The following COL4A6 variants were observed in gnomAD, a reference collection of about 807,000 sequenced individuals.
COL4A6 encodes collagen alpha-6(IV) chain.
COL4A6 carries 59 observed loss-of-function variants against 126.7 expected under a neutral mutation model. The ratio of observed to expected loss-of-function variants is 0.47; its 90% CI spans 0.38 to 0.58. COL4A6 has a LOEUF of 0.58. Among genes scored for constraint, COL4A6 ranks in the 20% least tolerant of loss-of-function variants. The probability of loss-of-function intolerance (pLI) is 0.00; values close to 1 mark genes in which losing one functional copy is unlikely to be tolerated. For synonymous variants in COL4A6, 547 were observed against 496.6 expected, an observed-to-expected ratio of 1.10 and a Z score of -1.35; for missense variants, 1,285 against 1,337.3, an observed-to-expected ratio of 0.96 and a Z score of 0.61.
chrX:108,367,089 C>A (rs1021301842), intron 2 of COL4A6, among the ~76,000 whole-genome samples: 1 of 112,175 alleles, frequency 8.9e-6, no homozygotes, highest in Non-Finnish European at 1.9e-5. Flanking sequence ...ACCAGTGTTT[C>A]AAACCTGATT....
At chrX:108,290,268 C>G (rs1284721322) in intron 3 of COL4A6, among the ~76,000 whole-genome samples, 1 of 112,059 alleles carries the variant, frequency 8.9e-6, no homozygotes, top group Non-Finnish European at 1.9e-5. Flanking sequence ...TCCAAAAAGG[C>G]TTTCTACTGA....
intron 23 of COL4A6, among the ~76,000 whole-genome samples, chrX:108,182,072 A>G (rs771536682): frequency 8.9e-6 from 1 of 112,482 alleles, no homozygotes; most frequent in South Asian, 3.7e-4. Context: ...ATTGAACAGT[A>G]TAATGTATTG....
intron 44 of COL4A6, 55 bp from the exon 45 acceptor site, chrX:108,157,315 G>A (rs180866973): frequency 1.7e-6 from 2 of 1,173,134 alleles, no homozygotes; most frequent in Non-Finnish European, 2.3e-6. Flanking sequence ...GTTGGTGTGG[G>A]GAGGGGATGG....
intron 41 of COL4A6, among the ~76,000 whole-genome samples, chrX:108,162,623 ATC>A (rs2033996041): frequency 9.0e-6 from 1 of 110,979 alleles, no homozygotes; most frequent in Non-Finnish European, 1.9e-5. Context: ...CACTCCCTCC[ATC>A]TCTCTGCAGC....
chrX:108,201,533 T>C (rs1419941440), intron 13 of COL4A6, among the ~76,000 whole-genome samples: 6 of 111,811 alleles, frequency 5.4e-5, no homozygotes, highest in African/African-American at 2.0e-4. Flanking sequence ...AAAAAGCCCT[T>C]ACCTTTTAAA....
chrX:108,400,141 C>A (rs1645529928), intron 2 of COL4A6, among the ~76,000 whole-genome samples: 1 of 111,559 alleles, frequency 9.0e-6, no homozygotes, highest in Non-Finnish European at 1.9e-5. Context: ...TTAGACAATT[C>A]TCTAAGAAGT....
chrX:108,422,752 C>T (rs978104936), intron 2 of COL4A6, among the ~76,000 whole-genome samples: 9 of 111,937 alleles, frequency 8.0e-5, no homozygotes, highest in African/African-American at 2.6e-4. Flanking sequence ...GAATGGGAGC[C>T]TCAACCTACT....
intron 3 of COL4A6, among the ~76,000 whole-genome samples, chrX:108,260,465 C>A (rs180722998): frequency 1.2e-4 from 13 of 111,017 alleles, no homozygotes; most frequent in Non-Finnish European, 2.3e-4. Context: ...ATCATGGGGG[C>A]GGGTCTTCCC....
At chrX:108,343,164 TA>T (rs869275666) in intron 2 of COL4A6, among the ~76,000 whole-genome samples, 4,603 of 26,522 alleles carry the variant, frequency 0.17, 146 homozygotes, top group East Asian at 0.31. Context: ...TATATATATA[TA>T]GTGTGTGTGT....
At chrX:108,358,520 G>A (rs768070402) in intron 2 of COL4A6, among the ~76,000 whole-genome samples, 2 of 108,460 alleles carry the variant, frequency 1.8e-5, no homozygotes, top group Non-Finnish European at 3.8e-5. Flanking sequence ...TCAGCCTCCC[G>A]AGTAGCTGGG....
intron 42 of COL4A6, among the ~76,000 whole-genome samples, chrX:108,160,882 G>A (rs148489762): frequency 0.014 from 1,578 of 112,292 alleles, 18 homozygotes; most frequent in African/African-American, 0.048. Context: ...TATCTCAGAT[G>A]TATCCAGCTA....
At position 108,429,979 on chromosome X, in the gene COL4A6, A is replaced by C. The variant is rs1569465512; in HGVS notation, c.63+7963T>G. 2.7e-5 allele frequency among the ~76,000 whole-genome samples: 3 copies of C among 111,914 alleles called. No individual in the cohort carries two copies. The South Asian group carries it at 1.1e-3, about 42-fold the overall frequency. ...CTTGATCACCTATGCTCAGCCTGGC[A>C]GTATCCTGGACATCCTAAGTACAAG... On this transcript the variant is annotated intron_variant, in intron 2 of 44. Coordinates refer to ENST00000334504, the MANE Select transcript of COL4A6 (RefSeq NM_033641.4).
intron 2 of COL4A6, among the ~76,000 whole-genome samples, chrX:108,314,459 C>T (rs1331884887): frequency 1.8e-5 from 2 of 112,010 alleles, no homozygotes; most frequent in Non-Finnish European, 3.8e-5. Flanking sequence ...ACAATACTCC[C>T]TAAGTCCCAT....
intron 2 of COL4A6, among the ~76,000 whole-genome samples, chrX:108,391,949 C>T (rs2040849250): frequency 8.9e-6 from 1 of 112,208 alleles, no homozygotes; most frequent in Admixed American, 9.4e-5. Context: ...AGAGCTGTTC[C>T]TGTTCGGCCA....
At chrX:108,346,644 C>A (rs1481913493) in intron 2 of COL4A6, among the ~76,000 whole-genome samples, 1 of 112,276 alleles carries the variant, frequency 8.9e-6, no homozygotes, top group Admixed American at 9.4e-5. Context: ...GCCAATTTTA[C>A]TCTAGGCTAA....
chrX:108,193,509 G>T, intron 17 of COL4A6, 119 bp downstream of exon 17: 2 of 593,761 alleles, frequency 3.4e-6, no homozygotes, highest in South Asian at 3.0e-5. Flanking sequence ...AGGGGCTCTT[G>T]GGTGTGTCAA....
At chrX:108,379,646 T>A (rs1346822149) in intron 2 of COL4A6, among the ~76,000 whole-genome samples, 1 of 108,645 alleles carries the variant, frequency 9.2e-6, no homozygotes, top group African/African-American at 3.4e-5. Flanking sequence ...TAAGGGATAA[T>A]CTTGACTCTG....
At chrX:108,385,446 A>G (rs2148148666) in intron 2 of COL4A6, among the ~76,000 whole-genome samples, 1 of 111,717 alleles carries the variant, frequency 9.0e-6, no homozygotes, top group African/African-American at 3.2e-5. Flanking sequence ...ATTCAATAAA[A>G]TCCCTATTAG....
intron 31 of COL4A6, among the ~76,000 whole-genome samples, chrX:108,174,128 G>A (rs889601673): frequency 1.8e-5 from 2 of 112,069 alleles, no homozygotes; most frequent in Non-Finnish European, 3.8e-5. Flanking sequence ...GTGGCAGCTG[G>A]GTGGGAGCTC....
Sources: gnomAD v4.1 joint callset for allele counts (sites outside exome capture counted in the v4.1 genomes callset) on GRCh38, gnomAD v4.1.1 for gene constraint, MANE v1.5 for transcripts, NCBI Gene and HGNC (gene_info 2026-07-23, HGNC 2026-07-21) for gene names.